Variants in ADSS1 observed in about 807,000 individuals in gnomAD.
ADSS1 encodes the protein adenylosuccinate synthase 1.
ADSS1 carries 57 observed loss-of-function variants against 59.1 expected under a neutral mutation model. That is an observed-to-expected ratio of 0.97 (90% CI 0.78 to 1.20). ADSS1 has a LOEUF of 1.20. Ranked by LOEUF, ADSS1 falls within the 50% of genes most tolerant of loss-of-function variation. The pLI is 0.00. For synonymous variants in ADSS1, 247 were observed against 249.4 expected (o/e 0.99, Z 0.09); for missense variants, 603 against 610.3 (o/e 0.99, Z 0.13).
chr14:104,745,924 C>T (rs1316738387), intron 11 of ADSS1: 2 of 219,000 alleles, frequency 9.1e-6, no homozygotes, highest in African/African-American at 2.3e-5. Context: ...TCTAGAGTCT[C>T]AGAATTTCCA....
intron 10 of ADSS1, 54 bp from the exon 11 acceptor site, chr14:104,744,758 C>G (rs1891494073): frequency 6.4e-7 from 1 of 1,565,272 alleles, no homozygotes; most frequent in Non-Finnish European, 8.8e-7. Flanking sequence ...GCGGAAGAAA[C>G]CCCAGCACTG....
At chr14:104,732,186 C>T (rs1286014938) in intron 1 of ADSS1, among the ~76,000 whole-genome samples, 3 of 152,230 alleles carry the variant, frequency 2.0e-5, no homozygotes, top group Non-Finnish European at 2.9e-5. Context: ...GCAAGGCAGA[C>T]CCTGGCCTGG....
rs1470520650 is a variant in ADSS1, at chr14:104,724,399, C to T, written c.129C>T (p.Asp43=). ...VTVVLGAQWG[D]EGKGKVVDLL... ...TGGTGCTGGGCGCGCAGTGGGGGGA[C>T]GAGGGCAAAGGCAAGGTGGTGGACC... is the stretch of plus-strand genomic sequence containing the variant. The change falls in exon 1 of 13, where the codon GAC becomes GAT. Residue 43 remains aspartate, a synonymous_variant. Coordinates refer to ENST00000330877, the MANE Select transcript of ADSS1 (RefSeq NM_152328.5). 7.9e-7 allele frequency: 1 copy of T among 1,262,672 alleles called. No homozygotes were observed. 78.2% of individuals were successfully genotyped at this position (1,262,672 alleles called of 1,614,324 possible). A position where few individuals can be genotyped will look rare whatever the true frequency, so the allele number is the denominator to read the frequency against.
intron 10 of ADSS1, chr14:104,743,444 G>A (rs1891446368): frequency 2.3e-5 from 11 of 474,076 alleles, no homozygotes; most frequent in South Asian, 1.6e-4. Context: ...AGGGCATCCC[G>A]GCACTTGTGA....
rs531543006 is a variant in ADSS1, at chr14:104,727,976, C to T, written c.192+3514C>T. ...GGTCTCCATAGCGCACTCCCAGCCT[C>T]CCGTGCCCTCCAGGTCTAGCTAGAG... is the stretch of plus-strand genomic sequence containing the variant. On this transcript the variant is annotated intron_variant, in intron 1 of 12. Coordinates refer to ENST00000330877, the MANE Select transcript of ADSS1 (RefSeq NM_152328.5). 7.2e-5 allele frequency among the ~76,000 whole-genome samples: 11 copies of T among 152,338 alleles called. No homozygotes were observed. In the South Asian group the frequency reaches 2.3e-3, roughly 32 times the overall value.
At chr14:104,732,032 G>A in intron 1 of ADSS1, among the ~76,000 whole-genome samples, 1 of 152,232 alleles carries the variant, frequency 6.6e-6, no homozygotes, top group East Asian at 1.9e-4. Context: ...TGCACACCGT[G>A]CTGAGAGGCC....
At position 104,730,118 on chromosome 14, in the gene ADSS1, A is replaced by G. The variant is rs1463262218; in HGVS notation, c.193-4902A>G. The G allele has an allele frequency of 3.2e-6, 5 of 1,548,118 alleles. No homozygotes were observed. Among genetic ancestry groups the G allele is most frequent in the Non-Finnish European group, 4.4e-6 (5 of 1,145,706 alleles). On this transcript the variant is annotated intron_variant, in intron 1 of 12. Transcript: ENST00000330877. ...AACTAGGGTGACGCTGGGAGAGGAG[A>G]GGGCTTGGAGGAGCCACGGGTCAAA...
intron 1 of ADSS1, chr14:104,730,242 C>T (rs1890873582): frequency 1.4e-6 from 2 of 1,460,830 alleles, no homozygotes; most frequent in East Asian, 5.1e-5. Context: ...ATCTGTAACT[C>T]CAGCACTTTG....
intron 11 of ADSS1, chr14:104,745,601 C>A (rs1057086700): frequency 6.5e-6 from 1 of 152,798 alleles, no homozygotes; most frequent in Non-Finnish European, 1.5e-5. Context: ...CTACAGGAGC[C>A]ATGTGTGTCC....
intron 10 of ADSS1, chr14:104,743,543 C>T (rs1188329121): frequency 4.0e-6 from 1 of 247,752 alleles, no homozygotes; most frequent in East Asian, 8.8e-5. Context: ...GCATGGGTGC[C>T]GGCCTGTTGA....
At chr14:104,724,583 C>T (rs924581260) in intron 1 of ADSS1, 121 bp downstream of exon 1, 12 of 1,216,262 alleles carry the variant, frequency 9.9e-6, no homozygotes, top group South Asian at 8.4e-5. Context: ...GCCTTCCTTC[C>T]GGGAGCACCT....
chr14:104,737,444 C>T (rs966850356), intron 2 of ADSS1: 1 of 152,182 alleles, frequency 6.6e-6, no homozygotes, highest in Admixed American at 6.5e-5. Context: ...GAATAATACT[C>T]CACTGTCTGG....
intron 1 of ADSS1, among the ~76,000 whole-genome samples, chr14:104,734,618 G>A (rs1034987674): frequency 6.6e-6 from 1 of 152,228 alleles, no homozygotes; most frequent in Non-Finnish European, 1.5e-5. Context: ...CAAAGGGAAG[G>A]GTTTCTGCTA....
chr14:104,732,188 C>G (rs1339197869), intron 1 of ADSS1, among the ~76,000 whole-genome samples: 1 of 152,234 alleles, frequency 6.6e-6, no homozygotes. Context: ...AAGGCAGACC[C>G]TGGCCTGGAC....
Position 104,729,957 on chromosome 14 carries a change from T to G in ADSS1, c.193-5063T>G, listed in dbSNP as rs1890857928. 1 of 1,586,240 alleles carries G rather than the reference T, an allele frequency of 6.3e-7. No homozygotes were observed. Among genetic ancestry groups the G allele is most frequent in the Non-Finnish European group, 8.6e-7 (1 of 1,166,548 alleles). ...GGAGGTGGGCAGAGGCCCACGAACC[T>G]GGCCCTGACCCTCAGCTCGTCCCCA... On this transcript the variant is annotated intron_variant, in intron 1 of 12. Coordinates refer to ENST00000330877, the MANE Select transcript of ADSS1 (RefSeq NM_152328.5).
In ADSS1 at chr14:104,746,286, G is replaced by A. The variant is rs778476265; in HGVS notation, c.1222G>A (p.Gly408Arg). 1.9e-6 allele frequency: 3 copies of A among 1,613,718 alleles called. No individual in the cohort carries two copies. The South Asian group carries it at 3.3e-5, about 18-fold the overall frequency. ...KVEVEYETLP[G>R]WKADTTGARR... Reference sequence around the variant, plus strand: ...CGAAGTTGAGTATGAAACGCTGCCTGGGTGGAAAGCAGACACCACAGGCGC... The same window carrying A: ...CGAAGTTGAGTATGAAACGCTGCCTAGGTGGAAAGCAGACACCACAGGCGC... The change falls in exon 12 of 13, where the codon GGG becomes AGG. Residue 408 changes from glycine (G) to arginine (R), a missense_variant. Transcript: ENST00000330877.
chr14:104,730,281 G>C, intron 1 of ADSS1: 1 of 1,411,168 alleles, frequency 7.1e-7, no homozygotes, highest in Non-Finnish European at 9.3e-7. Flanking sequence ...ATCACTTAGG[G>C]TCAGGAGTTC....
intron 1 of ADSS1, among the ~76,000 whole-genome samples, chr14:104,727,332 C>A (rs979490240): frequency 1.3e-5 from 2 of 152,114 alleles, no homozygotes; most frequent in Non-Finnish European, 1.5e-5. Context: ...CACACCCCCA[C>A]CTCACACCTC....
At position 104,741,955 on chromosome 14, in the gene ADSS1, T is replaced by C. The variant is rs2140816953; in HGVS notation, c.901T>C (p.Tyr301His). The stretch of plus-strand genomic sequence containing the variant: ...TGACGTGTATGGCGTGGTGAAAGCC[T>C]ATACCACACGTGTGGGCATCGGGGC... ...IGDVYGVVKA[Y>H]TTRVGIGAFP... Residue 301 changes from tyrosine to histidine, a missense_variant, in exon 9 of 13, where the codon TAT (tyrosine) becomes CAT (histidine). Tyr to His is a moderately conservative substitution (Grantham distance 83). Coordinates refer to ENST00000330877, the MANE Select transcript of ADSS1 (RefSeq NM_152328.5). 6.2e-7 allele frequency: 1 copy of C among 1,613,316 alleles called. No homozygotes were observed. The highest frequency in any genetic ancestry group is 8.5e-7 in the Non-Finnish European group (1 of 1,179,986).
Sources: allele counts gnomAD v4.1 joint callset (sites outside exome capture counted in the v4.1 genomes callset), GRCh38; gene constraint gnomAD v4.1.1; transcripts MANE v1.5; gene names NCBI Gene and HGNC (gene_info 2026-07-23, HGNC 2026-07-21).